The following GRIK1 variants were observed in gnomAD, a reference collection of about 807,000 sequenced individuals.
GRIK1 encodes glutamate receptor ionotropic, kainate 1.
GRIK1 carries 69 observed loss-of-function variants against 105.7 expected under a neutral mutation model. The ratio of observed to expected loss-of-function variants is 0.65; its 90% CI spans 0.54 to 0.80. GRIK1 has a LOEUF of 0.80. GRIK1 is among the 30% of genes least tolerant of loss of function. The pLI is 0.00. For synonymous variants in GRIK1, 438 were observed against 431.3 expected, an observed-to-expected ratio of 1.02 and a Z score of -0.19; for missense variants, 1,109 against 1,167.3, an observed-to-expected ratio of 0.95 and a Z score of 0.73.
chr21:29,840,431 A>G (rs560692479), intron 1 of GRIK1, among the ~76,000 whole-genome samples: 20 of 152,210 alleles, frequency 1.3e-4, no homozygotes, highest in African/African-American at 4.3e-4. Context: ...TTTGTCTTTC[A>G]TATTTTTTTT....
intron 16 of GRIK1, among the ~76,000 whole-genome samples, chr21:29,540,689 C>G (rs2089954166): frequency 6.6e-6 from 1 of 152,186 alleles, no homozygotes; most frequent in South Asian, 2.1e-4. Flanking sequence ...TCTAAAACTT[C>G]TGTTTGTAGG....
intron 16 of GRIK1, among the ~76,000 whole-genome samples, chr21:29,547,757 A>G (rs2090071040): frequency 1.3e-5 from 2 of 151,864 alleles, no homozygotes; most frequent in Admixed American, 6.5e-5. Flanking sequence ...CAGGCAAAGG[A>G]AAACCTCTTT....
chr21:29,590,511 G>A (rs2061317667), intron 10 of GRIK1, among the ~76,000 whole-genome samples: 1 of 152,188 alleles, frequency 6.6e-6, no homozygotes, highest in South Asian at 2.1e-4. Flanking sequence ...AGAAGTGTGA[G>A]CAGAGCAAAG....
At chr21:29,691,561 T>C in intron 2 of GRIK1, among the ~76,000 whole-genome samples, 1 of 152,230 alleles carries the variant, frequency 6.6e-6, no homozygotes, top group Non-Finnish European at 1.5e-5. Context: ...TCTACAACCA[T>C]GTAAAATAGT....
intron 1 of GRIK1, among the ~76,000 whole-genome samples, chr21:29,758,079 C>A (rs2065397359): frequency 6.6e-6 from 1 of 152,180 alleles, no homozygotes; most frequent in African/African-American, 2.4e-5. Context: ...GATCTTCCAC[C>A]TTTCAGCTAC....
At chr21:29,723,163 A>G (rs2146864945) in intron 1 of GRIK1, among the ~76,000 whole-genome samples, 1 of 152,346 alleles carries the variant, frequency 6.6e-6, no homozygotes, top group African/African-American at 2.4e-5. Context: ...AAAAAAAATT[A>G]TTACTAGCTA....
chr21:29,677,551 A>G lies in GRIK1; in HGVS notation c.545-4387T>C, dbSNP rs567753450. 3.3e-3 allele frequency among the ~76,000 whole-genome samples: 504 copies of G among 152,280 alleles called. 2 individuals carry two copies. The highest frequency in any genetic ancestry group is 4.7e-3 in the Non-Finnish European group (318 of 68,008). ...ATGCTGATTTGCATGCACATTGGGT[A>G]ACTCAGGCAACAGGTGGAGCATATG... On this transcript the variant is annotated intron_variant, in intron 3 of 17. Transcript: ENST00000327783.
chr21:29,892,964 A>G (rs2069958963), intron 1 of GRIK1, among the ~76,000 whole-genome samples: 1 of 152,222 alleles, frequency 6.6e-6, no homozygotes, highest in South Asian at 2.1e-4. Flanking sequence ...ACCCGAGGTC[A>G]GGAGTTCGAG....
intron 1 of GRIK1, among the ~76,000 whole-genome samples, chr21:29,895,049 G>A (rs571130296): frequency 4.6e-5 from 7 of 152,234 alleles, no homozygotes; most frequent in Admixed American, 4.6e-4. Flanking sequence ...GAATTGATAC[G>A]GATCTAATAG....
At chr21:29,650,710 A>C (rs2062715276) in intron 6 of GRIK1, among the ~76,000 whole-genome samples, 1 of 152,184 alleles carries the variant, frequency 6.6e-6, no homozygotes, top group African/African-American at 2.4e-5. Context: ...ATTTTTCCAC[A>C]CTGGCTTTGC....
intron 1 of GRIK1, among the ~76,000 whole-genome samples, chr21:29,728,988 A>G (rs138023198): frequency 8.9e-4 from 135 of 152,294 alleles, no homozygotes; most frequent in African/African-American, 3.1e-3. Context: ...CAACTCATGA[A>G]TGCATTGAAT....
intron 1 of GRIK1, among the ~76,000 whole-genome samples, chr21:29,924,654 C>A (rs1028479632): frequency 6.6e-6 from 1 of 152,254 alleles, no homozygotes; most frequent in Non-Finnish European, 1.5e-5. Flanking sequence ...TATTCTCCCC[C>A]GACCTTTTTT....
chr21:29,735,491 C>T (rs1429018800), intron 1 of GRIK1, among the ~76,000 whole-genome samples: 1 of 152,164 alleles, frequency 6.6e-6, no homozygotes, highest in Non-Finnish European at 1.5e-5. Flanking sequence ...CCCAAATCTT[C>T]TAGTGGTTTG....
chr21:29,637,445 G>C (rs994123817), intron 7 of GRIK1, among the ~76,000 whole-genome samples: 2 of 152,202 alleles, frequency 1.3e-5, no homozygotes, highest in African/African-American at 4.8e-5. Context: ...TATTCTGGTA[G>C]CTCATGCTGT....
chr21:29,661,195 T>C (rs1357963059), intron 4 of GRIK1, among the ~76,000 whole-genome samples: 2 of 152,180 alleles, frequency 1.3e-5, no homozygotes, highest in African/African-American at 2.4e-5. Flanking sequence ...TAGTGGAATA[T>C]ACAGAAAATA....
intron 1 of GRIK1, among the ~76,000 whole-genome samples, chr21:29,765,534 CTT>C (rs1028592907): frequency 6.6e-6 from 1 of 152,052 alleles, no homozygotes. Flanking sequence ...CTGTAAAATT[CTT>C]TTCTTTCTAG....
chr21:29,802,621 C>G (rs1229128012), intron 1 of GRIK1, among the ~76,000 whole-genome samples: 1 of 152,136 alleles, frequency 6.6e-6, no homozygotes, highest in Non-Finnish European at 1.5e-5. Context: ...CTAAGATGAT[C>G]TCTGTAGTTT....
intron 1 of GRIK1, among the ~76,000 whole-genome samples, chr21:29,719,390 T>C (rs917617394): frequency 1.3e-5 from 2 of 152,098 alleles, no homozygotes; most frequent in African/African-American, 4.8e-5. Context: ...ATCCTAAAAC[T>C]TCTGGGATTT....
intron 3 of GRIK1, among the ~76,000 whole-genome samples, chr21:29,686,487 G>T (rs529010327): frequency 5.9e-5 from 9 of 152,316 alleles, no homozygotes; most frequent in African/African-American, 2.2e-4. Flanking sequence ...CACTTCATAT[G>T]TGTACAAAAT....
Sources: allele counts gnomAD v4.1 joint callset (sites outside exome capture counted in the v4.1 genomes callset), GRCh38; gene constraint gnomAD v4.1.1; transcripts MANE v1.5; gene names NCBI Gene and HGNC (gene_info 2026-07-23, HGNC 2026-07-21).